The following AXDND1 variants were observed in gnomAD, a reference collection of about 807,000 sequenced individuals.
AXDND1 encodes axonemal dynein light chain domain containing 1, also known as axonemal dynein light chain domain-containing protein 1.
In AXDND1, 110 loss-of-function variants were observed where a neutral mutation model predicts 137.5. That is an observed-to-expected ratio of 0.80 (90% CI 0.69 to 0.94). AXDND1 has a LOEUF of 0.94. Among genes scored for constraint, AXDND1 ranks in the 40% least tolerant of loss-of-function variants. The pLI, the probability that AXDND1 is intolerant of heterozygous loss-of-function variation, is 0.00. For missense variants in AXDND1, 1,191 were observed against 1,169.8 expected (o/e 1.02, Z -0.26); for synonymous variants, 414 against 399.7 (o/e 1.04, Z -0.43).
At chr1:179,411,108 A>G (rs772054652) in intron 11 of AXDND1, 38 bp from the exon 12 acceptor site, 2 of 1,466,092 alleles carry the variant, frequency 1.4e-6, no homozygotes, top group Non-Finnish European at 1.9e-6. Flanking sequence ...TATTGTTAGT[A>G]TAAATTAAAT....
intron 9 of AXDND1, among the ~76,000 whole-genome samples, chr1:179,390,096 C>G (rs1649911522): frequency 6.6e-6 from 1 of 151,950 alleles, no homozygotes; most frequent in Non-Finnish European, 1.5e-5. Context: ...TCACTGCAAC[C>G]TCTGCCTCCC....
chr1:179,399,468 A>G (rs947280551), intron 11 of AXDND1, among the ~76,000 whole-genome samples: 2 of 149,194 alleles, frequency 1.3e-5, no homozygotes, highest in Non-Finnish European at 3.0e-5. Flanking sequence ...CTGAAACTAT[A>G]AAAATTCTAG....
At chr1:179,419,551 C>T (rs931670529) in intron 12 of AXDND1, among the ~76,000 whole-genome samples, 2 of 147,324 alleles carry the variant, frequency 1.4e-5, no homozygotes, top group African/African-American at 2.5e-5. Context: ...TGCAGTGAGC[C>T]GAGATGGCAG....
chr1:179,418,031 T>C (rs917329296), intron 12 of AXDND1, among the ~76,000 whole-genome samples: 3 of 151,132 alleles, frequency 2.0e-5, no homozygotes, highest in African/African-American at 7.3e-5. Flanking sequence ...TGGGTGTTTC[T>C]CGCAGAGGGG....
At position 179,491,579 on chromosome 1, in the gene AXDND1, C is replaced by T. The variant is rs1666902300; in HGVS notation, c.2133C>T (p.Asn711=). Residue 711 remains asparagine (N), a synonymous_variant, in exon 19 of 26, where the codon AAC becomes AAT. Coordinates refer to ENST00000367618, the MANE Select transcript of AXDND1 (RefSeq NM_144696.6). The part of the protein sequence containing the change: ...LHISMIQWMV[N]LLILMIPNFT... The stretch of plus-strand genomic sequence containing the variant: ...TATCTATGATCCAGTGGATGGTAAA[C>T]TTGCTGATTTTAATGATACCCAACT... The T allele has an allele frequency of 1.9e-6, 3 of 1,612,368 alleles. No homozygotes were observed. Among genetic ancestry groups the T allele is most frequent in the Admixed American group, 1.7e-5 (1 of 59,962 alleles).
At chr1:179,369,437 C>T (rs574503203) in intron 3 of AXDND1, among the ~76,000 whole-genome samples, 68 of 152,214 alleles carry the variant, frequency 4.5e-4, no homozygotes, top group African/African-American at 1.5e-3. Flanking sequence ...AGGCAGATCA[C>T]GAGGTCAGGA....
intron 9 of AXDND1, among the ~76,000 whole-genome samples, chr1:179,389,543 A>G (rs1361441622): frequency 6.6e-6 from 1 of 152,066 alleles, no homozygotes; most frequent in African/African-American, 2.4e-5. Flanking sequence ...CACGTCTCCC[A>G]CTTTGAAGTC....
chr1:179,502,434 C>T (rs777736502), intron 20 of AXDND1, among the ~76,000 whole-genome samples: 11 of 151,842 alleles, frequency 7.2e-5, no homozygotes, highest in Non-Finnish European at 1.0e-4. Context: ...CATGGTGGCA[C>T]GCACCGGCAG....
chr1:179,529,178 C>T (rs908980526), intron 23 of AXDND1, among the ~76,000 whole-genome samples: 3 of 152,224 alleles, frequency 2.0e-5, no homozygotes, highest in African/African-American at 7.2e-5. Flanking sequence ...CTACAGAACA[C>T]TGTGACTTTA....
intron 4 of AXDND1, among the ~76,000 whole-genome samples, chr1:179,373,889 G>A (rs1668302835): frequency 6.6e-6 from 1 of 152,110 alleles, no homozygotes. Context: ...AGAAAACCAA[G>A]GCAATACCAT....
intron 4 of AXDND1, among the ~76,000 whole-genome samples, chr1:179,373,299 A>G (rs1253830064): frequency 2.6e-5 from 4 of 152,204 alleles, no homozygotes; most frequent in Non-Finnish European, 5.9e-5. Context: ...AAGGAGAACT[A>G]CAAACCACTG....
intron 11 of AXDND1, among the ~76,000 whole-genome samples, chr1:179,399,002 T>G (rs755525318): frequency 5.9e-5 from 9 of 152,086 alleles, no homozygotes; most frequent in Non-Finnish European, 1.0e-4. Context: ...AGCAAAGTGA[T>G]GTGGGGCATT....
At chr1:179,436,578 A>G (rs767816356) in intron 15 of AXDND1, among the ~76,000 whole-genome samples, 6 of 152,178 alleles carry the variant, frequency 3.9e-5, no homozygotes, top group Non-Finnish European at 8.8e-5. Flanking sequence ...TCCTCAACAA[A>G]CTAACACAGG....
chr1:179,493,001 A>G (rs772640988), intron 20 of AXDND1, 50 bp downstream of exon 20: 1 of 1,392,620 alleles, frequency 7.2e-7, no homozygotes, highest in Non-Finnish European at 9.9e-7. Context: ...GTTTGTTTTT[A>G]TCAGATTTTT....
intron 17 of AXDND1, among the ~76,000 whole-genome samples, chr1:179,476,483 G>A (rs1160316384): frequency 6.6e-6 from 1 of 151,212 alleles, no homozygotes; most frequent in Non-Finnish European, 1.5e-5. Flanking sequence ...ACCATCTGTG[G>A]TCATTGCTTT....
At chr1:179,383,125 T>G (rs1256797104) in intron 7 of AXDND1, among the ~76,000 whole-genome samples, 1 of 152,068 alleles carries the variant, frequency 6.6e-6, no homozygotes, top group East Asian at 1.9e-4. Context: ...ATGTTAAAAG[T>G]TTGATGTTTA....
At chr1:179,535,933 G>A (rs1671512466) in intron 25 of AXDND1, among the ~76,000 whole-genome samples, 1 of 152,150 alleles carries the variant, frequency 6.6e-6, no homozygotes. Context: ...GTGTGAGATG[G>A]CCTCTCATTG....
chr1:179,511,524 C>T (rs543110326), intron 21 of AXDND1, among the ~76,000 whole-genome samples: 21 of 151,754 alleles, frequency 1.4e-4, no homozygotes, highest in African/African-American at 4.6e-4. Context: ...TATAAACATG[C>T]GTGTGCAAGC....
intron 22 of AXDND1, among the ~76,000 whole-genome samples, chr1:179,526,288 A>C (rs982479426): frequency 2.6e-5 from 4 of 152,142 alleles, no homozygotes; most frequent in African/African-American, 9.7e-5. Flanking sequence ...GATGATTACC[A>C]AAAATTGAGT....
Sources: gnomAD v4.1 joint callset for allele counts (sites outside exome capture counted in the v4.1 genomes callset) on GRCh38, gnomAD v4.1.1 for gene constraint, MANE v1.5 for transcripts, NCBI Gene and HGNC (gene_info 2026-07-23, HGNC 2026-07-21) for gene names.